The following CHODL variants were observed in gnomAD, a reference collection of about 807,000 sequenced individuals.
CHODL encodes the protein transmembrane protein MT75.
In CHODL, 29 loss-of-function variants were observed where a neutral mutation model predicts 34.5. The ratio of observed to expected loss-of-function variants is 0.84; its 90% CI spans 0.63 to 1.15. CHODL has a LOEUF of 1.15. CHODL is among the 50% of genes most tolerant of loss of function. The pLI is 0.00. For missense variants in CHODL, 332 were observed against 332.5 expected, an observed-to-expected ratio of 1.00 and a Z score of 0.01; for synonymous variants, 125 against 116.1, an observed-to-expected ratio of 1.08 and a Z score of -0.49.
chr21:18,207,182 G>T (rs1281068031), intron 2 of CHODL, among the ~76,000 whole-genome samples: 1 of 151,902 alleles, frequency 6.6e-6, no homozygotes, highest in Non-Finnish European at 1.5e-5. Flanking sequence ...ATGGTTTCCA[G>T]CTTCATCTAT....
At chr21:17,929,303 C>A (rs904929560) in intron 1 of CHODL, among the ~76,000 whole-genome samples, 1 of 152,170 alleles carries the variant, frequency 6.6e-6, no homozygotes, top group Non-Finnish European at 1.5e-5. Context: ...CTTAAACTTG[C>A]AAATTTACCA....
chr21:18,095,161 CATAA>C (rs778659403), intron 2 of CHODL, among the ~76,000 whole-genome samples: 5 of 151,406 alleles, frequency 3.3e-5, no homozygotes, highest in Non-Finnish European at 7.4e-5. Flanking sequence ...AATAAAAGAG[CATAA>C]ATAAATAAAT....
intron 1 of CHODL, among the ~76,000 whole-genome samples, chr21:18,019,430 AAAAT>A (rs1031033908): frequency 9.5e-4 from 133 of 139,280 alleles, no homozygotes; most frequent in South Asian, 8.5e-3. Flanking sequence ...GATAATATTA[AAAAT>A]AATTTATTTG....
At chr21:18,046,015 T>C (rs1383273904) in intron 2 of CHODL, among the ~76,000 whole-genome samples, 2 of 152,026 alleles carry the variant, frequency 1.3e-5, no homozygotes, top group African/African-American at 4.8e-5. Context: ...TATCTTGTTA[T>C]AGAAGCACAA....
intron 2 of CHODL, among the ~76,000 whole-genome samples, chr21:18,167,050 T>G (rs2073162269): frequency 6.6e-6 from 1 of 152,170 alleles, no homozygotes; most frequent in South Asian, 2.1e-4. Flanking sequence ...CTTGTTTTGT[T>G]TTTCTATTTC....
At chr21:18,242,180 T>A (rs1322444357), upstream of CHODL, among the ~76,000 whole-genome samples, 1 of 152,120 alleles carries the variant, frequency 6.6e-6, no homozygotes. Context: ...CTGGATCAAT[T>A]TGCAAACAAT....
chr21:17,982,966 C>G (rs197547), intron 1 of CHODL, among the ~76,000 whole-genome samples: 2,383 of 152,200 alleles, frequency 0.016, 61 homozygotes, highest in African/African-American at 0.053. Flanking sequence ...CTTAAGTGAT[C>G]TGCCCACCTT....
chr21:18,224,585 G>A (rs989059474), intron 2 of CHODL, among the ~76,000 whole-genome samples: 9 of 152,070 alleles, frequency 5.9e-5, no homozygotes, highest in African/African-American at 2.2e-4. Context: ...TCTATTTAGG[G>A]TATAGTCTCT....
chr21:18,185,072 G>T (rs556363559), intron 2 of CHODL, among the ~76,000 whole-genome samples: 1 of 151,716 alleles, frequency 6.6e-6, no homozygotes, highest in Non-Finnish European at 1.5e-5. Context: ...TGTGCAGAAC[G>T]TGCAGGTTTG....
In CHODL at chr21:18,262,867, CTGT is replaced by C; in HGVS notation, c.716_718del (p.Cys239del). ...TACTGATACTGGTTGCTTTTGGAAC[CTGT>C]TGTTTCCAGATGCTGCATAAAAGGT... is the stretch of plus-strand genomic sequence containing the variant. On this transcript the variant is annotated inframe_deletion, in exon 5 of 6. Transcript: ENST00000299295. 4 of 1,607,278 alleles carry C rather than the reference CTGT, an allele frequency of 2.5e-6. No homozygotes were observed. Among genetic ancestry groups the C allele is most frequent in the Non-Finnish European group, 3.4e-6 (4 of 1,174,386 alleles).
intron 2 of CHODL, among the ~76,000 whole-genome samples, chr21:18,034,798 C>G (rs2064290502): frequency 6.6e-6 from 1 of 151,984 alleles, no homozygotes; most frequent in Non-Finnish European, 1.5e-5. Context: ...AGTTCTTTCT[C>G]CAGGGAGGAA....
intron 1 of CHODL, among the ~76,000 whole-genome samples, chr21:17,958,804 T>C (rs1390869954): frequency 6.6e-6 from 1 of 152,166 alleles, no homozygotes; most frequent in African/African-American, 2.4e-5. Context: ...TCATTCTCTG[T>C]ATGGAGGGGA....
chr21:18,083,411 G>T (rs757479482), intron 2 of CHODL, among the ~76,000 whole-genome samples: 1 of 152,204 alleles, frequency 6.6e-6, no homozygotes, highest in African/African-American at 2.4e-5. Context: ...AGCCCCCACA[G>T]ATTCCCCACT....
chr21:18,047,400 C>T (rs2146462852), intron 2 of CHODL, among the ~76,000 whole-genome samples: 1 of 151,950 alleles, frequency 6.6e-6, no homozygotes, highest in African/African-American at 2.4e-5. Flanking sequence ...GTCCCCTTCC[C>T]CTCTCAAACT....
At chr21:18,043,869 C>A (rs933668868) in intron 2 of CHODL, among the ~76,000 whole-genome samples, 1 of 151,860 alleles carries the variant, frequency 6.6e-6, no homozygotes, top group Non-Finnish European at 1.5e-5. Context: ...TGGATGGTGG[C>A]AGACAAGAGA....
chr21:17,957,539 A>C (rs1347763414), intron 1 of CHODL, among the ~76,000 whole-genome samples: 1 of 152,142 alleles, frequency 6.6e-6, no homozygotes, highest in Non-Finnish European at 1.5e-5. Context: ...TGATGGGACC[A>C]TGAATAGTGG....
chr21:17,941,429 A>C (rs2063362561), intron 1 of CHODL, among the ~76,000 whole-genome samples: 2 of 149,982 alleles, frequency 1.3e-5, no homozygotes, highest in Admixed American at 1.3e-4. Flanking sequence ...ACATGCATGC[A>C]TAAATTCAGG....
intron 2 of CHODL, among the ~76,000 whole-genome samples, chr21:18,070,139 G>C (rs886747809): frequency 2.0e-5 from 3 of 150,922 alleles, no homozygotes; most frequent in Non-Finnish European, 4.4e-5. Flanking sequence ...ATACTGCTCA[G>C]GTGATGGGTG....
intron 2 of CHODL, among the ~76,000 whole-genome samples, chr21:18,205,056 A>G (rs2073697046): frequency 6.6e-6 from 1 of 152,150 alleles, no homozygotes; most frequent in South Asian, 2.1e-4. Context: ...AGTTTACCTA[A>G]CAGGTGCCAC....
Sources: gnomAD v4.1 joint callset for allele counts (sites outside exome capture counted in the v4.1 genomes callset) on GRCh38, gnomAD v4.1.1 for gene constraint, MANE v1.5 for transcripts, NCBI Gene and HGNC (gene_info 2026-07-23, HGNC 2026-07-21) for gene names.